Variants in SKOR2 observed in about 807,000 individuals in gnomAD.
The protein encoded by SKOR2 is LBX1 corepressor 1-like protein.
Under a neutral mutation model 69.1 loss-of-function variants are expected in SKOR2, and 47 were observed. That is an observed-to-expected ratio of 0.68 (90% CI 0.54 to 0.87). The LOEUF (loss-of-function observed/expected upper bound fraction) is 0.87. SKOR2 is among the 40% of genes least tolerant of loss of function. The pLI, the probability that SKOR2 is intolerant of heterozygous loss-of-function variation, is 0.00. For missense variants in SKOR2, 1,404 were observed against 1,472.2 expected, an observed-to-expected ratio of 0.95 and a Z score of 0.76; for synonymous variants, 717 against 672.6, an observed-to-expected ratio of 1.07 and a Z score of -1.02.
At chr18:47,229,130 G>C (rs190320103) in intron 6 of SKOR2, among the ~76,000 whole-genome samples, 2 of 152,302 alleles carry the variant, frequency 1.3e-5, no homozygotes, top group African/African-American at 4.8e-5. Context: ...GTGTCATTCA[G>C]TTGTGCCAGT....
intron 6 of SKOR2, among the ~76,000 whole-genome samples, chr18:47,221,803 C>A (rs941163824): frequency 6.6e-6 from 1 of 152,152 alleles, no homozygotes; most frequent in Non-Finnish European, 1.5e-5. Flanking sequence ...CAGGAAGATA[C>A]GTTTAGACAC....
intron 4 of SKOR2, among the ~76,000 whole-genome samples, chr18:47,238,349 G>T (rs1486968712): frequency 7.8e-6 from 1 of 128,808 alleles, no homozygotes; most frequent in Non-Finnish European, 1.6e-5. Flanking sequence ...TTGAGAGGGA[G>T]TCTTGCTCTG....
intron 8 of SKOR2, among the ~76,000 whole-genome samples, chr18:47,211,237 T>G (rs1347281912): frequency 1.3e-5 from 2 of 152,178 alleles, no homozygotes; most frequent in South Asian, 4.1e-4. Flanking sequence ...CTGATGGGAA[T>G]GGATCAAACT....
intron 7 of SKOR2, among the ~76,000 whole-genome samples, chr18:47,215,578 C>T (rs1455505792): frequency 6.6e-6 from 1 of 152,160 alleles, no homozygotes; most frequent in African/African-American, 2.4e-5. Flanking sequence ...CTCCCATCAT[C>T]AGGAAGTTGT....
chr18:47,225,081 A>G (rs2064174332), intron 6 of SKOR2, among the ~76,000 whole-genome samples: 1 of 152,242 alleles, frequency 6.6e-6, no homozygotes, highest in Non-Finnish European at 1.5e-5. Context: ...ACCACTGAAC[A>G]TAAAATGAAT....
At chr18:47,207,194 T>C (rs1042818586) in intron 8 of SKOR2, among the ~76,000 whole-genome samples, 7 of 152,168 alleles carry the variant, frequency 4.6e-5, no homozygotes, top group Admixed American at 1.3e-4. Context: ...GCTCTGGTGC[T>C]CTGCTGGTTT....
Position 47,246,688 on chromosome 18 carries a change from G to T in SKOR2, c.2496C>A (p.Asp832Glu), listed in dbSNP as rs940162402. 18 of 1,479,976 alleles carry T rather than the reference G, an allele frequency of 1.2e-5. No individual in the cohort carries two copies. The highest frequency in any genetic ancestry group is 1.5e-5 in the Non-Finnish European group (17 of 1,127,270). The allele number at this position is 1,479,976 out of a possible 1,614,324, so 91.7% of individuals were successfully genotyped here. Residue 832 changes from aspartate (D) to glutamate (E), a missense_variant, in exon 2 of 9, where the codon GAC becomes GAA. By Grantham distance (45) the Asp-to-Glu change is conservative. Transcript: ENST00000425639. The stretch of plus-strand genomic sequence containing the variant: ...GGGGCGGCGGCGGGGGCGGGGGCAG[G>T]TCCGAGCCGGGGTCCCCGAGTTTCC... ...EDGKLGDPGS[D>E]LPPPPPPPLA...
At chr18:47,227,900 G>A (rs879350348) in intron 6 of SKOR2, among the ~76,000 whole-genome samples, 14 of 152,180 alleles carry the variant, frequency 9.2e-5, no homozygotes, top group Admixed American at 9.2e-4. Context: ...CGATTTTTGA[G>A]CCTAGATTCT....
intron 4 of SKOR2, among the ~76,000 whole-genome samples, chr18:47,232,604 G>T (rs576790461): frequency 6.6e-6 from 1 of 152,172 alleles, no homozygotes; most frequent in Non-Finnish European, 1.5e-5. Flanking sequence ...CAGGCCTCAG[G>T]CATGGTGCTG....
At chr18:47,241,346 T>C (rs759987279) in intron 4 of SKOR2, among the ~76,000 whole-genome samples, 2 of 152,186 alleles carry the variant, frequency 1.3e-5, no homozygotes, top group African/African-American at 2.4e-5. Context: ...TCACAAGCGC[T>C]CATAATCTCT....
rs2668770 is a variant in SKOR2 at position 47,251,510 on chromosome 18, G to C, written c.-184C>G. ...GGCTCCGCGCGAAGATCCGGGCTCT[G>C]GCCCGAGCGAATGGCGCTCAAACCC... On this transcript the variant is annotated 5_prime_UTR_variant, in exon 1 of 9. Coordinates refer to ENST00000425639, the MANE Select transcript of SKOR2 (RefSeq NM_001278063.4). 0.45 allele frequency: 68,743 copies of C among 152,222 alleles called. 15,685 individuals are homozygous for C. Among genetic ancestry groups the C allele is most frequent in the African/African-American group, 0.48 (19,984 of 41,536 alleles). The allele number at this position is 152,222 out of a possible 1,614,324, so 9.4% of individuals were successfully genotyped here. A position where few individuals can be genotyped will look rare whatever the true frequency, so the allele number is the denominator to read the frequency against.
intron 8 of SKOR2, among the ~76,000 whole-genome samples, chr18:47,210,818 A>G (rs182621068): frequency 2.0e-5 from 3 of 152,286 alleles, no homozygotes; most frequent in Admixed American, 2.0e-4. Context: ...ACCAAGAACA[A>G]TAAGTCCATG....
intron 4 of SKOR2, among the ~76,000 whole-genome samples, chr18:47,237,126 G>T (rs1471802373): frequency 2.0e-5 from 3 of 152,152 alleles, no homozygotes; most frequent in Non-Finnish European, 4.4e-5. Flanking sequence ...TAAATCCTTA[G>T]TTGTCATGAC....
chr18:47,242,924 G>A (rs1392839211), intron 4 of SKOR2, among the ~76,000 whole-genome samples: 4 of 152,052 alleles, frequency 2.6e-5, no homozygotes, highest in Non-Finnish European at 4.4e-5. Context: ...CTCTGAATGG[G>A]TCATGTTATT....
In SKOR2 at chr18:47,246,643, A is replaced by G. The variant is rs1446025118; in HGVS notation, c.2541T>C (p.Ser847=). 86 of 1,517,758 alleles carry G rather than the reference A, an allele frequency of 5.7e-5. No individual in the cohort carries two copies. Among genetic ancestry groups the G allele is most frequent in the Non-Finnish European group, 7.2e-5 (82 of 1,139,860 alleles). The allele number at this position is 1,517,758 out of a possible 1,614,324, so 94.0% of individuals were successfully genotyped here. A position where few individuals can be genotyped will look rare whatever the true frequency, so the allele number is the denominator to read the frequency against. The change falls in exon 2 of 9, where the codon AGT becomes AGC. Residue 847 remains serine, a synonymous_variant. Transcript: ENST00000425639. ...TGCCCGGGCTGCTGCTGCCGCCGCC[A>G]CTCGCCTTCTGGGGGGCCAGGGGCG... The part of the protein sequence containing the change: ...PPPPLAPQKA[S]GGGSSSPGSP...
In SKOR2 at chr18:47,249,048, G is replaced by A. The variant is rs1341536261; in HGVS notation, c.136C>T (p.Leu46Phe). The change falls in exon 2 of 9, where the codon CTC (leucine) becomes TTC (phenylalanine). Residue 46 changes from leucine to phenylalanine, a missense_variant. By Grantham distance (22) the Leu-to-Phe change is conservative. This residue lies in a region of SKOR2 where 104 missense variants were observed against 95.7 expected (regional missense o/e 1.09). Coordinates refer to ENST00000425639, the MANE Select transcript of SKOR2 (RefSeq NM_001278063.4). Reference protein sequence around the residue: ...LKPNQVGQVILYGIPIVSLVI... With the variant: ...LKPNQVGQVIFYGIPIVSLVI... ...AACGACACGATGGGAATGCCGTAGA[G>A]GATCACCTGGCCCACCTGGTTGGGT... The A allele has an allele frequency of 6.5e-7, 1 of 1,538,042 alleles. No individual in the cohort carries two copies. The highest frequency in any genetic ancestry group is 2.4e-5 in the East Asian group (1 of 41,044).
At position 47,246,754 on chromosome 18, in the gene SKOR2, G is replaced by C; in HGVS notation, c.2430C>G (p.Phe810Leu). The change falls in exon 2 of 9, where the codon TTC becomes TTG. Residue 810 changes from phenylalanine (F) to leucine (L), a missense_variant. This residue lies in a region of SKOR2 where 1,266 missense variants were observed against 1,309.9 expected (regional missense o/e 0.97). Coordinates refer to ENST00000425639, the MANE Select transcript of SKOR2 (RefSeq NM_001278063.4). ...GCCTGGAGGAGTTCAGGCCGAGCGG[G>C]AACGCGCCCGCGACGGCCGGCGCGC... ...RDRAPAVAGAFPLGLNSSRLL... is the reference protein window; with the variant it reads ...RDRAPAVAGALPLGLNSSRLL... 1 of 1,405,458 alleles carries C rather than the reference G, an allele frequency of 7.1e-7. No individual in the cohort carries two copies. The highest frequency in any genetic ancestry group is 9.2e-7 in the Non-Finnish European group (1 of 1,090,026). The allele number at this position is 1,405,458 out of a possible 1,614,324, so 87.1% of individuals were successfully genotyped here. A position where few individuals can be genotyped will look rare whatever the true frequency, so the allele number is the denominator to read the frequency against.
At chr18:47,220,719 C>T (rs1050435404) in intron 6 of SKOR2, among the ~76,000 whole-genome samples, 1 of 152,164 alleles carries the variant, frequency 6.6e-6, no homozygotes. Flanking sequence ...TCCAAATGTA[C>T]AGTTTAGTGT....
chr18:47,228,540 G>T (rs2064186631), intron 6 of SKOR2, among the ~76,000 whole-genome samples: 2 of 152,280 alleles, frequency 1.3e-5, no homozygotes, highest in East Asian at 3.9e-4. Flanking sequence ...GATGAATTAT[G>T]ACTACAGAGG....
Sources: allele counts gnomAD v4.1 joint callset (sites outside exome capture counted in the v4.1 genomes callset), GRCh38; gene constraint gnomAD v4.1.1; regional missense constraint gnomAD v4.1.1; transcripts MANE v1.5; gene names NCBI Gene and HGNC (gene_info 2026-07-23, HGNC 2026-07-21).